Variants in SPICE1 observed in about 807,000 individuals in gnomAD.
SPICE1 encodes the protein spindle and centriole-associated protein 1.
SPICE1 carries 75 observed loss-of-function variants against 102.7 expected under a neutral mutation model. The ratio of observed to expected loss-of-function variants is 0.73; its 90% CI spans 0.61 to 0.88. The LOEUF (loss-of-function observed/expected upper bound fraction) is 0.88. Among genes scored for constraint, SPICE1 ranks in the 40% least tolerant of loss-of-function variants. SPICE1 has a pLI of 0.00. For synonymous variants in SPICE1, 308 were observed against 350.3 expected, an observed-to-expected ratio of 0.88 and a Z score of 1.35; for missense variants, 979 against 1,020.1, an observed-to-expected ratio of 0.96 and a Z score of 0.55.
chr3:113,468,972 C>A, intron 8 of SPICE1, 73 bp from the exon 9 acceptor site: 1 of 1,565,058 alleles, frequency 6.4e-7, no homozygotes, highest in Non-Finnish European at 8.6e-7. Context: ...ATTGACAGAT[C>A]CATCAGTATT....
At chr3:113,497,360 G>A (rs1576646052) in intron 4 of SPICE1, among the ~76,000 whole-genome samples, 1 of 152,218 alleles carries the variant, frequency 6.6e-6, no homozygotes, top group East Asian at 1.9e-4. Context: ...ATTTCCAGAA[G>A]CTTAAACTAT....
chr3:113,497,649 C>T (rs1209875770), intron 4 of SPICE1, among the ~76,000 whole-genome samples: 1 of 149,318 alleles, frequency 6.7e-6, no homozygotes, highest in African/African-American at 2.5e-5. Context: ...GGTATAGAGT[C>T]CAGATATAGT....
chr3:113,492,943 G>A (rs1463035213), intron 6 of SPICE1, among the ~76,000 whole-genome samples: 1 of 152,090 alleles, frequency 6.6e-6, no homozygotes, highest in Admixed American at 6.6e-5. Flanking sequence ...ATTTTTCTCA[G>A]CTTCAATTTC....
At chr3:113,496,577 G>A (rs1168688061) in intron 4 of SPICE1, among the ~76,000 whole-genome samples, 1 of 152,196 alleles carries the variant, frequency 6.6e-6, no homozygotes. Context: ...GAGTGAGAGG[G>A]AACCCTAATT....
At chr3:113,488,382 G>A (rs747303131) in intron 7 of SPICE1, among the ~76,000 whole-genome samples, 1 of 152,178 alleles carries the variant, frequency 6.6e-6, no homozygotes, top group Non-Finnish European at 1.5e-5. Flanking sequence ...TAAAGAAAAT[G>A]TGGTATAGAC....
At chr3:113,502,398 C>T (rs1172960683) in intron 3 of SPICE1, among the ~76,000 whole-genome samples, 1 of 152,080 alleles carries the variant, frequency 6.6e-6, no homozygotes, top group East Asian at 1.9e-4. Context: ...CAAAAGGCCA[C>T]GTGTTGTATT....
At position 113,450,527 on chromosome 3, in the gene SPICE1, A is replaced by T. The variant is rs746469137; in HGVS notation, c.2143-11T>A. 1 of 1,363,934 alleles carries T rather than the reference A, an allele frequency of 7.3e-7. No homozygotes were observed. Among genetic ancestry groups the T allele is most frequent in the Non-Finnish European group, 9.9e-7 (1 of 1,013,610 alleles). The allele number at this position is 1,363,934 out of a possible 1,614,324, so 84.5% of individuals were successfully genotyped here. ...TGCTACTGGAAAAGTCTTTGGGAGAAAAAAAAAAAAAGTACAAATTGAATA... is the reference window on the plus strand; with the variant it reads ...TGCTACTGGAAAAGTCTTTGGGAGATAAAAAAAAAAAGTACAAATTGAATA... On this transcript the variant is annotated splice_polypyrimidine_tract_variant and intron_variant, in intron 14 of 17. Transcript: ENST00000295872.
Position 113,468,413 on chromosome 3 carries a change from G to T in SPICE1, c.890-9C>A. ...ATTCGGTTTCCTTTTCACTGATAAT[G>T]AGAGAAGTCATTCTATTTTAAGACC... On this transcript the variant is annotated splice_polypyrimidine_tract_variant and intron_variant, in intron 9 of 17. Transcript: ENST00000295872. The T allele has an allele frequency of 1.2e-6, 2 of 1,608,482 alleles. No individual in the cohort carries two copies. Among genetic ancestry groups the T allele is most frequent in the South Asian group, 1.1e-5 (1 of 90,656 alleles).
chr3:113,493,058 C>G, intron 6 of SPICE1, 148 bp downstream of exon 6: 2 of 562,466 alleles, frequency 3.6e-6, no homozygotes, highest in African/African-American at 1.9e-5. Flanking sequence ...ACATTACTCA[C>G]AGAAAGTGCA....
At chr3:113,452,297 C>CTA (rs1935672447) in intron 14 of SPICE1, among the ~76,000 whole-genome samples, 1 of 152,200 alleles carries the variant, frequency 6.6e-6, no homozygotes, top group South Asian at 2.1e-4. Flanking sequence ...TGCACAGGTC[C>CTA]TACCCTAGAC....
chr3:113,448,800 T>C (rs1232241771), intron 15 of SPICE1: 1 of 152,196 alleles, frequency 6.6e-6, no homozygotes, highest in African/African-American at 2.4e-5. Context: ...TTACAAAATA[T>C]TCCTCAGTTA....
intron 11 of SPICE1, among the ~76,000 whole-genome samples, chr3:113,461,758 C>A (rs1455746612): frequency 6.6e-6 from 1 of 152,154 alleles, no homozygotes; most frequent in African/African-American, 2.4e-5. Flanking sequence ...ATATATATAT[C>A]TCTCATGTAT....
At chr3:113,469,040 C>T (rs1936130947) in intron 8 of SPICE1, 59 bp downstream of exon 8, 1 of 1,572,218 alleles carries the variant, frequency 6.4e-7, no homozygotes, top group African/African-American at 1.4e-5. Context: ...AAAATTACTG[C>T]ATTCAAGAAT....
chr3:113,457,104 C>A (rs752268640), intron 13 of SPICE1, 32 bp downstream of exon 13: 1 of 1,584,820 alleles, frequency 6.3e-7, no homozygotes, highest in Non-Finnish European at 8.6e-7. Flanking sequence ...CATTAAAAAA[C>A]AACTTTCATG....
chr3:113,492,605 G>A (rs1188406915), intron 6 of SPICE1, among the ~76,000 whole-genome samples: 1 of 152,036 alleles, frequency 6.6e-6, no homozygotes, highest in African/African-American at 2.4e-5. Context: ...CATTAAAAGA[G>A]ACTAACATTT....
Position 113,453,996 on chromosome 3 carries a change from T to C in SPICE1, c.1658-46A>G, listed in dbSNP as rs190747762. ...ATAACAAATATGTATTATTTTCCCA[T>C]AGATTGGCACTATACTCATTTCATT... On this transcript the variant is annotated intron_variant, in intron 13 of 17. Transcript: ENST00000295872. The C allele has an allele frequency of 1.1e-4, 161 of 1,484,204 alleles. 1 individual carries two copies. The Admixed American group carries it at 1.3e-3, about 12-fold the overall frequency. The allele number at this position is 1,484,204 out of a possible 1,614,324, so 91.9% of individuals were successfully genotyped here.
chr3:113,481,767 T>G (rs1020350797), intron 7 of SPICE1, among the ~76,000 whole-genome samples: 33 of 152,228 alleles, frequency 2.2e-4, no homozygotes, highest in African/African-American at 7.7e-4. Flanking sequence ...TATGGCTGCA[T>G]AGTATTCCAT....
chr3:113,482,509 C>T (rs917443827), intron 7 of SPICE1, among the ~76,000 whole-genome samples: 1 of 152,124 alleles, frequency 6.6e-6, no homozygotes, highest in African/African-American at 2.4e-5. Context: ...ATGGTACTGC[C>T]TAGGTTTTCT....
At chr3:113,463,315 A>G (rs1273411089) in intron 11 of SPICE1, among the ~76,000 whole-genome samples, 1 of 152,226 alleles carries the variant, frequency 6.6e-6, no homozygotes, top group East Asian at 1.9e-4. Context: ...AGTTTTCTAT[A>G]TTTTGTTCAC....
Sources: allele counts gnomAD v4.1 joint callset (sites outside exome capture counted in the v4.1 genomes callset), GRCh38; gene constraint gnomAD v4.1.1; transcripts MANE v1.5; gene names NCBI Gene and HGNC (gene_info 2026-07-23, HGNC 2026-07-21).